The following TRAPPC12 variants were observed in gnomAD, a reference collection of about 807,000 sequenced individuals.
The protein encoded by TRAPPC12 is TPR repeat protein 15.
Under a neutral mutation model 69.2 loss-of-function variants are expected in TRAPPC12, and 61 were observed. The ratio of observed to expected loss-of-function variants is 0.88; its 90% CI spans 0.72 to 1.09. The LOEUF is 1.09. TRAPPC12 is among the 50% of genes least tolerant of loss of function. The pLI is 0.00. For missense variants in TRAPPC12, 1,101 were observed against 1,016.4 expected, an observed-to-expected ratio of 1.08 and a Z score of -1.13; for synonymous variants, 469 against 438.9, an observed-to-expected ratio of 1.07 and a Z score of -0.86.
intron 9 of TRAPPC12, among the ~76,000 whole-genome samples, chr2:3,473,186 G>GC (rs1330260805): frequency 1.3e-5 from 2 of 152,108 alleles, no homozygotes; most frequent in African/African-American, 4.8e-5. Flanking sequence ...GAGCAGGTGA[G>GC]GGGGGGTCAG....
At position 3,388,068 on chromosome 2, in the gene TRAPPC12, C is replaced by T. The variant is rs1378178272; in HGVS notation, c.445C>T (p.Gln149Ter). 4 of 1,527,208 alleles carry T rather than the reference C, an allele frequency of 2.6e-6. No individual in the cohort carries two copies. The South Asian group carries it at 4.8e-5, about 18-fold the overall frequency. 94.6% of individuals were successfully genotyped at this position (1,527,208 alleles called of 1,614,324 possible). A position where few individuals can be genotyped will look rare whatever the true frequency, so the allele number is the denominator to read the frequency against. Residue 149 changes from glutamine to a stop codon, truncating the protein, a stop_gained, in exon 2 of 12, where the codon CAG (glutamine) becomes TAG (stop). Coordinates refer to ENST00000324266, the MANE Select transcript of TRAPPC12 (RefSeq NM_016030.6). LOFTEE classifies it high-confidence loss of function. ...VPGSEAARPEQEPPVAEPVPV... is the reference protein window; with the variant it reads ...VPGSEAARPE ...AGGCAGCGAAGCCGCGCGCCCGGAG[C>T]AGGAGCCTCCCGTTGCGGAGCCGGT...
At chr2:3,470,837 C>A (rs1558409092) in intron 9 of TRAPPC12, among the ~76,000 whole-genome samples, 1 of 152,120 alleles carries the variant, frequency 6.6e-6, no homozygotes, top group Non-Finnish European at 1.5e-5. Context: ...TATGCAGACA[C>A]CTTTGGGAAA....
intron 1 of TRAPPC12, among the ~76,000 whole-genome samples, chr2:3,382,352 CTTG>C: frequency 6.6e-6 from 1 of 152,104 alleles, no homozygotes. Context: ...CCGGTATGGT[CTTG>C]ATCTCCTGAC....
intron 3 of TRAPPC12, among the ~76,000 whole-genome samples, chr2:3,402,855 G>A (rs1010057140): frequency 1.3e-5 from 2 of 152,146 alleles, no homozygotes; most frequent in African/African-American, 4.8e-5. Flanking sequence ...GGGGGCTGTG[G>A]AATTGCTCTG....
At chr2:3,431,525 A>G (rs946708184) in intron 5 of TRAPPC12, among the ~76,000 whole-genome samples, 6 of 152,166 alleles carry the variant, frequency 3.9e-5, no homozygotes, top group Admixed American at 2.0e-4. Flanking sequence ...AAAATCCTAC[A>G]AAGTTTCTCT....
At chr2:3,460,566 T>A (rs905523126) in intron 8 of TRAPPC12, 3 of 469,090 alleles carry the variant, frequency 6.4e-6, no homozygotes, top group African/African-American at 4.0e-5. Context: ...CAGATTTCAT[T>A]ATTGAAATGT....
chr2:3,431,984 C>G (rs1023301693), intron 5 of TRAPPC12, among the ~76,000 whole-genome samples: 3 of 152,178 alleles, frequency 2.0e-5, no homozygotes, highest in African/African-American at 7.2e-5. Flanking sequence ...GAAACATTCA[C>G]AATGGCAGTG....
intron 5 of TRAPPC12, among the ~76,000 whole-genome samples, chr2:3,436,287 C>T: frequency 6.6e-6 from 1 of 152,144 alleles, no homozygotes; most frequent in East Asian, 1.9e-4. Context: ...CAGTCCTTCA[C>T]CCCAAAGAAA....
intron 5 of TRAPPC12, among the ~76,000 whole-genome samples, chr2:3,440,368 A>G (rs1240381294): frequency 6.6e-6 from 1 of 152,188 alleles, no homozygotes; most frequent in African/African-American, 2.4e-5. Flanking sequence ...TTTTTTCATC[A>G]GAGTTTTATA....
intron 5 of TRAPPC12, among the ~76,000 whole-genome samples, chr2:3,432,695 TCACTTTGCC>T (rs1663505554): frequency 6.6e-6 from 1 of 152,242 alleles, no homozygotes; most frequent in Non-Finnish European, 1.5e-5. Flanking sequence ...TTACTGCTTT[TCACTTTGCC>T]CACCGTTTTT....
At chr2:3,412,403 A>G (rs1662113068) in intron 3 of TRAPPC12, among the ~76,000 whole-genome samples, 1 of 152,116 alleles carries the variant, frequency 6.6e-6, no homozygotes. Flanking sequence ...ATCCACTAAA[A>G]ATACAAAAAT....
intron 6 of TRAPPC12, among the ~76,000 whole-genome samples, chr2:3,451,571 T>G (rs1364494614): frequency 6.6e-6 from 1 of 152,164 alleles, no homozygotes; most frequent in East Asian, 1.9e-4. Context: ...TCACCCAGAC[T>G]GGAGTACAGT....
At chr2:3,436,545 G>T (rs942975241) in intron 5 of TRAPPC12, among the ~76,000 whole-genome samples, 6 of 151,902 alleles carry the variant, frequency 3.9e-5, no homozygotes, top group Admixed American at 2.0e-4. Context: ...TTGCATTAGC[G>T]TAGAACTTTT....
chr2:3,441,515 A>G (rs1314738773), intron 5 of TRAPPC12, among the ~76,000 whole-genome samples: 1 of 151,772 alleles, frequency 6.6e-6, no homozygotes, highest in African/African-American at 2.4e-5. Context: ...TGGTCTTGTC[A>G]GAGTTTTATT....
At chr2:3,409,958 C>T (rs1430947169) in intron 3 of TRAPPC12, among the ~76,000 whole-genome samples, 1 of 152,146 alleles carries the variant, frequency 6.6e-6, no homozygotes, top group Non-Finnish European at 1.5e-5. Context: ...CTCCCCACTC[C>T]GTGTCCCCCA....
At chr2:3,432,481 A>T (rs1251773007) in intron 5 of TRAPPC12, among the ~76,000 whole-genome samples, 1 of 152,176 alleles carries the variant, frequency 6.6e-6, no homozygotes, top group Non-Finnish European at 1.5e-5. Context: ...ACACATAACC[A>T]TATGTGATAT....
At chr2:3,449,007 G>A (rs914353900) in intron 6 of TRAPPC12, among the ~76,000 whole-genome samples, 5 of 152,244 alleles carry the variant, frequency 3.3e-5, no homozygotes, top group African/African-American at 9.6e-5. Flanking sequence ...CTTTACAAAC[G>A]AGTTCAGGGT....
chr2:3,454,945 G>A (rs1021776311), intron 6 of TRAPPC12: 5 of 152,558 alleles, frequency 3.3e-5, no homozygotes, highest in Non-Finnish European at 7.3e-5. Context: ...AGACCTCGCC[G>A]CATAGAGGAT....
intron 3 of TRAPPC12, among the ~76,000 whole-genome samples, chr2:3,403,214 G>C (rs1274895382): frequency 6.7e-6 from 1 of 148,870 alleles, no homozygotes; most frequent in Non-Finnish European, 1.5e-5. Context: ...TCTGCACCGG[G>C]CTTCAGATTT....
Sources: allele counts gnomAD v4.1 joint callset (sites outside exome capture counted in the v4.1 genomes callset), GRCh38; gene constraint gnomAD v4.1.1; transcripts MANE v1.5; gene names NCBI Gene and HGNC (gene_info 2026-07-23, HGNC 2026-07-21).